The following SLC49A4 variants were observed in gnomAD, a reference collection of about 807,000 sequenced individuals.
SLC49A4 encodes the protein disrupted in renal cancer protein 2.
In SLC49A4, 36 loss-of-function variants were observed where a neutral mutation model predicts 50.6. That is an observed-to-expected ratio of 0.71 (90% CI 0.55 to 0.94). The LOEUF is 0.94. Ranked by LOEUF, SLC49A4 falls within the 40% of genes least tolerant of loss-of-function variation. SLC49A4 has a pLI of 0.00. For missense variants in SLC49A4, 503 were observed against 605.7 expected (o/e 0.83, Z 1.78); for synonymous variants, 248 against 241.2 (o/e 1.03, Z -0.26).
At chr3:122,845,607 GTTTTTTT>G (rs35604258) in intron 4 of SLC49A4, among the ~76,000 whole-genome samples, 149 bp from the exon 5 acceptor site, 1 of 97,442 alleles carries the variant, frequency 1.0e-5, no homozygotes, top group African/African-American at 3.8e-5. Context: ...TTTCCAGCAC[GTTTTTTT>G]TTTTTTTTTT....
Position 122,840,776 on chromosome 3 carries a change from G to A in SLC49A4, c.834-4987G>A, listed in dbSNP as rs115058151. ...ATTTACCGTTGAAAAAGTATGCATT[G>A]AGCAATGTCTCTTGTATTGCACTGT... On this transcript the variant is annotated intron_variant, in intron 4 of 8. Transcript: ENST00000261038. Among the ~76,000 whole-genome samples, 1,218 of 152,156 alleles carry A rather than the reference G, an allele frequency of 8.0e-3. 17 individuals carry two copies. The highest frequency in any genetic ancestry group is 0.027 in the African/African-American group (1,114 of 41,510).
At chr3:122,867,351 GAA>G (rs1274688786) in intron 7 of SLC49A4, among the ~76,000 whole-genome samples, 1 of 152,110 alleles carries the variant, frequency 6.6e-6, no homozygotes, top group Non-Finnish European at 1.5e-5. Flanking sequence ...TGAATTGGCA[GAA>G]AACATGCTAG....
At chr3:122,837,031 G>A (rs1277529254) in intron 4 of SLC49A4, among the ~76,000 whole-genome samples, 2 of 152,194 alleles carry the variant, frequency 1.3e-5, no homozygotes, top group East Asian at 1.9e-4. Flanking sequence ...TTCAAGGAGA[G>A]CTACAAACCA....
At position 122,795,258 on chromosome 3, in the gene SLC49A4, G is replaced by T. The variant is rs1188871621; in HGVS notation, c.66G>T (p.Gly22=). 7.2e-6 allele frequency: 10 copies of T among 1,393,938 alleles called. No individual in the cohort carries two copies. The highest frequency in any genetic ancestry group is 8.3e-6 in the Non-Finnish European group (9 of 1,087,194). The allele number at this position is 1,393,938 out of a possible 1,614,324, so 86.3% of individuals were successfully genotyped here. A position where few individuals can be genotyped will look rare whatever the true frequency, so the allele number is the denominator to read the frequency against. The change falls in exon 1 of 9, where the codon GGG becomes GGT. Residue 22 remains glycine (G), a synonymous_variant. Transcript: ENST00000261038. ...QPLLGPGLGP[G]LGASWRSREA... ...TGCTGGGGCCCGGGCTCGGGCCTGGGCTGGGGGCCTCCTGGAGAAGCCGGG... is the reference window on the plus strand; with the variant it reads ...TGCTGGGGCCCGGGCTCGGGCCTGGTCTGGGGGCCTCCTGGAGAAGCCGGG...
chr3:122,835,703 G>C (rs990890807), intron 4 of SLC49A4, among the ~76,000 whole-genome samples: 1 of 152,112 alleles, frequency 6.6e-6, no homozygotes, highest in Non-Finnish European at 1.5e-5. Flanking sequence ...ACAAGACAAG[G>C]ATGCCCACAT....
chr3:122,826,424 T>C (rs1268545258), intron 2 of SLC49A4, among the ~76,000 whole-genome samples: 1 of 152,182 alleles, frequency 6.6e-6, no homozygotes, highest in African/African-American at 2.4e-5. Context: ...TCTTAATCTT[T>C]CCAAATCTAG....
intron 3 of SLC49A4, 125 bp downstream of exon 3, chr3:122,827,190 T>C (rs1328844168): frequency 3.0e-6 from 3 of 1,009,466 alleles, no homozygotes; most frequent in Admixed American, 2.7e-5. Flanking sequence ...TAAATTTACA[T>C]GCACTGTGCA....
At chr3:122,866,232 G>T (rs1296266697) in intron 7 of SLC49A4, among the ~76,000 whole-genome samples, 2 of 149,304 alleles carry the variant, frequency 1.3e-5, no homozygotes, top group Non-Finnish European at 3.0e-5. Context: ...TGTAGAGATG[G>T]GGTTTCGCCA....
At chr3:122,810,902 C>T (rs955744049) in intron 2 of SLC49A4, among the ~76,000 whole-genome samples, 1 of 152,132 alleles carries the variant, frequency 6.6e-6, no homozygotes, top group African/African-American at 2.4e-5. Context: ...GAAGAAGAAC[C>T]TAGATCCCTC....
intron 4 of SLC49A4, among the ~76,000 whole-genome samples, chr3:122,836,011 CA>C (rs936696024): frequency 2.6e-5 from 4 of 151,940 alleles, no homozygotes; most frequent in African/African-American, 9.7e-5. Flanking sequence ...ACAATAGCTG[CA>C]AAAAAATTAA....
At chr3:122,865,873 C>T (rs1482859795) in intron 7 of SLC49A4, among the ~76,000 whole-genome samples, 1 of 152,118 alleles carries the variant, frequency 6.6e-6, no homozygotes, top group Non-Finnish European at 1.5e-5. Context: ...GATTCTACTC[C>T]TTAAGATATA....
chr3:122,822,978 G>A (rs1039579337), intron 2 of SLC49A4, among the ~76,000 whole-genome samples: 7 of 152,102 alleles, frequency 4.6e-5, no homozygotes, highest in Non-Finnish European at 7.4e-5. Flanking sequence ...CCTCCCCACT[G>A]TGTTGCCAGT....
intron 3 of SLC49A4, among the ~76,000 whole-genome samples, chr3:122,830,664 A>G (rs1356483517): frequency 6.6e-6 from 1 of 152,230 alleles, no homozygotes; most frequent in Non-Finnish European, 1.5e-5. Context: ...TAAATGTAAG[A>G]GCTAAAACTA....
chr3:122,844,766 G>C (rs1365026274), intron 4 of SLC49A4, among the ~76,000 whole-genome samples: 5 of 150,698 alleles, frequency 3.3e-5, no homozygotes, highest in African/African-American at 1.2e-4. Context: ...TGGGCTACAA[G>C]AGTGGAACTC....
At chr3:122,836,988 G>C (rs1936696051) in intron 4 of SLC49A4, among the ~76,000 whole-genome samples, 3 of 152,098 alleles carry the variant, frequency 2.0e-5, no homozygotes, top group African/African-American at 7.2e-5. Context: ...AAAATACCTA[G>C]GAATCCAACT....
chr3:122,817,543 TGAGAGA>T (rs61637673), intron 2 of SLC49A4, among the ~76,000 whole-genome samples: 1 of 151,076 alleles, frequency 6.6e-6, no homozygotes. Context: ...CATGTGTGTG[TGAGAGA>T]GAGAGAGAGT....
At chr3:122,842,696 A>C (rs1936789673) in intron 4 of SLC49A4, among the ~76,000 whole-genome samples, 1 of 152,012 alleles carries the variant, frequency 6.6e-6, no homozygotes, top group Non-Finnish European at 1.5e-5. Flanking sequence ...TGTCCCCCCA[A>C]CCCCTTTGAC....
intron 6 of SLC49A4, among the ~76,000 whole-genome samples, 156 bp from the exon 7 acceptor site, chr3:122,859,919 C>T (rs1438801516): frequency 6.6e-6 from 1 of 152,136 alleles, no homozygotes; most frequent in Middle Eastern, 3.4e-3. Flanking sequence ...CACAAAGTAA[C>T]ATCATACAAG....
intron 8 of SLC49A4, among the ~76,000 whole-genome samples, chr3:122,873,574 G>A (rs920589489): frequency 6.6e-6 from 1 of 152,216 alleles, no homozygotes; most frequent in African/African-American, 2.4e-5. Context: ...AGTGTCCATA[G>A]GATAGATGAA....
Sources: gnomAD v4.1 joint callset for allele counts (sites outside exome capture counted in the v4.1 genomes callset) on GRCh38, gnomAD v4.1.1 for gene constraint, MANE v1.5 for transcripts, NCBI Gene and HGNC (gene_info 2026-07-23, HGNC 2026-07-21) for gene names.